The following NOP14 variants were observed in gnomAD, a reference collection of about 807,000 sequenced individuals.
NOP14 encodes NOP14 nucleolar protein.
A neutral mutation model predicts 101.6 loss-of-function variants in NOP14; 57 were observed. The observed-to-expected ratio is 0.56, with a 90% confidence interval of 0.45 to 0.70. The LOEUF (loss-of-function observed/expected upper bound fraction) is 0.70, where lower values mean the gene tolerates loss of function less well. NOP14 is among the 30% of genes least tolerant of loss of function. The probability of loss-of-function intolerance (pLI) is 0.00; values close to 1 mark genes in which losing one functional copy is unlikely to be tolerated. For synonymous variants in NOP14, 428 were observed against 424.0 expected (o/e 1.01, Z -0.12); for missense variants, 1,134 against 1,075.5 (o/e 1.05, Z -0.76).
intron 6 of NOP14, among the ~76,000 whole-genome samples, 155 bp downstream of exon 6, chr4:2,952,120 A>G (rs1273053402): frequency 2.0e-5 from 3 of 151,952 alleles, no homozygotes; most frequent in Admixed American, 1.3e-4. Flanking sequence ...AAAAAAAAAA[A>G]AAAAGGTATT....
intron 7 of NOP14, 50 bp downstream of exon 7, chr4:2,951,064 T>C: frequency 6.6e-7 from 1 of 1,523,468 alleles, no homozygotes; most frequent in South Asian, 1.2e-5. Flanking sequence ...AAAAAATGTT[T>C]TTAAATTAAA....
rs373122018 is a variant in NOP14, at chr4:2,961,105, T to C, written c.195+2020A>G. 1.5e-4 allele frequency among the ~76,000 whole-genome samples: 6 copies of C among 39,032 alleles called. 1 individual carries two copies. Among genetic ancestry groups the C allele is most frequent in the South Asian group, 4.1e-4 (1 of 2,418 alleles). 25.6% of individuals were successfully genotyped at this position (39,032 alleles called of 152,430 possible). ...TAATATTATAATAATATATTAATAT[T>C]TTAATAATATATTAATATTATAATA... On this transcript the variant is annotated intron_variant, in intron 1 of 17. Transcript: ENST00000416614.
At chr4:2,944,560 C>G (rs1021172827) in intron 12 of NOP14, among the ~76,000 whole-genome samples, 1 of 152,192 alleles carries the variant, frequency 6.6e-6, no homozygotes, top group Non-Finnish European at 1.5e-5. Flanking sequence ...GCATGTGGCA[C>G]CACACCCAGC....
In NOP14 at chr4:2,952,109, GAA is replaced by G. The variant is rs34128991; in HGVS notation, c.870+164_870+165del. Among the ~76,000 whole-genome samples, 514 of 111,188 alleles carry G rather than the reference GAA, an allele frequency of 4.6e-3. 5 individuals carry two copies. Among genetic ancestry groups the G allele is most frequent in the African/African-American group, 0.012 (365 of 30,070 alleles). The allele number at this position is 111,188 out of a possible 152,430, so 72.9% of individuals were successfully genotyped here. On this transcript the variant is annotated intron_variant, in intron 6 of 17. Coordinates refer to ENST00000416614, the MANE Select transcript of NOP14 (RefSeq NM_001291978.2). Reference sequence around the variant, plus strand: ...TGACAGAGCGAAACTCTGTCTCAAAGAAAAAAAAAAAAAAAGGTATTCATGAA... The same window carrying G: ...TGACAGAGCGAAACTCTGTCTCAAAGAAAAAAAAAAAAAGGTATTCATGAA...
At chr4:2,948,463 ATTTATT>A (rs1714807196) in intron 8 of NOP14, 55 bp from the exon 9 acceptor site, 1 of 1,372,900 alleles carries the variant, frequency 7.3e-7, no homozygotes, top group Non-Finnish European at 9.7e-7. Context: ...ATGTATATAT[ATTTATT>A]TTTGAGATGG....
At chr4:2,954,021 C>T (rs997478476) in intron 4 of NOP14, among the ~76,000 whole-genome samples, 3 of 152,236 alleles carry the variant, frequency 2.0e-5, no homozygotes, top group Middle Eastern at 3.4e-3. Flanking sequence ...TGAGCCTGGT[C>T]GACACAGCAC....
In NOP14 at chr4:2,954,565, T is replaced by TG; in HGVS notation, c.473-3dup. On this transcript the variant is annotated splice_polypyrimidine_tract_variant and splice_region_variant and intron_variant, in intron 3 of 17. Transcript: ENST00000416614. ...CAAAGTGGGCAGCAGTCAGCTCAGCTGGGGGCAAAAGGCAGAAAACCCCAC... is the reference window on the plus strand; with the variant it reads ...CAAAGTGGGCAGCAGTCAGCTCAGCTGGGGGGCAAAAGGCAGAAAACCCCAC... 1 of 1,613,718 alleles carries TG rather than the reference T, an allele frequency of 6.2e-7. No individual in the cohort carries two copies.
At chr4:2,941,964 AT>A in intron 14 of NOP14, 1 of 636,028 alleles carries the variant, frequency 1.6e-6, no homozygotes, top group Non-Finnish European at 2.7e-6. Flanking sequence ...GGGCGGCTCC[AT>A]TTTTGGTTCC....
intron 14 of NOP14, 102 bp from the exon 15 acceptor site, chr4:2,941,831 A>C (rs1427142831): frequency 7.3e-6 from 10 of 1,362,744 alleles, no homozygotes; most frequent in Middle Eastern, 2.0e-4. Flanking sequence ...ACTAGGCTGA[A>C]AACTCCAGTG....
chr4:2,950,251 G>A (rs746824439), intron 7 of NOP14, 38 bp from the exon 8 acceptor site: 47 of 1,606,092 alleles, frequency 2.9e-5, no homozygotes, highest in Non-Finnish European at 3.9e-5. Context: ...ATGAGGACAG[G>A]CGGAGACAAC....
In NOP14 at chr4:2,947,535, T is replaced by C; in HGVS notation, c.1490A>G (p.Lys497Arg). ...DDPPDLTVID[K>R]LVVHLYHLCQ... ...CACCATTTTTACTTACACAACCAAC[T>C]TATCAATGACTGTGAGGTCTGGTGG... The change falls in exon 10 of 18, where the codon AAG becomes AGG. Residue 497 changes from lysine to arginine, a missense_variant. By Grantham distance (26) the Lys-to-Arg change is conservative. Transcript: ENST00000416614. 1.2e-6 allele frequency: 2 copies of C among 1,612,518 alleles called. No homozygotes were observed. Among genetic ancestry groups the C allele is most frequent in the South Asian group, 2.2e-5 (2 of 91,038 alleles).
chr4:2,944,933 C>G (rs1314175477), intron 12 of NOP14, among the ~76,000 whole-genome samples, 195 bp downstream of exon 12: 1 of 152,242 alleles, frequency 6.6e-6, no homozygotes, highest in Admixed American at 6.5e-5. Context: ...AAACCAGGCC[C>G]TCCCACTCCC....
intron 6 of NOP14, 24 bp downstream of exon 6, chr4:2,952,251 G>A: frequency 6.2e-7 from 1 of 1,611,330 alleles, no homozygotes. Context: ...GCACAGCCCT[G>A]CTCCTGAGGT....
intron 1 of NOP14, among the ~76,000 whole-genome samples, chr4:2,960,159 A>G (rs367588520): frequency 3.3e-5 from 5 of 152,060 alleles, no homozygotes; most frequent in African/African-American, 1.2e-4. Flanking sequence ...TTTAGTAGAG[A>G]TGGGGTTTCA....
At chr4:2,945,268 T>G in intron 11 of NOP14, 39 bp from the exon 12 acceptor site, 1 of 1,478,536 alleles carries the variant, frequency 6.8e-7, no homozygotes, top group Non-Finnish European at 9.2e-7. Flanking sequence ...AGAAGGTAAA[T>G]GAAGTCCATC....
chr4:2,950,941 C>T, intron 7 of NOP14, 173 bp downstream of exon 7: 1 of 589,200 alleles, frequency 1.7e-6, no homozygotes, highest in Non-Finnish European at 3.0e-6. Flanking sequence ...AAAGTCTTCT[C>T]TCTAAAGTTT....
chr4:2,943,960 TTG>T (rs1714418088), intron 13 of NOP14, 111 bp downstream of exon 13: 1 of 824,518 alleles, frequency 1.2e-6, no homozygotes, highest in South Asian at 1.8e-5. Context: ...GGGTGGCAGG[TTG>T]TGTGTTTCCT....
chr4:2,943,827 G>C (rs1577825440), intron 13 of NOP14, among the ~76,000 whole-genome samples: 1 of 152,216 alleles, frequency 6.6e-6, no homozygotes, highest in East Asian at 1.9e-4. Context: ...GTCACAGGTA[G>C]GGTACGTCTC....
intron 15 of NOP14, 51 bp from the exon 16 acceptor site, chr4:2,939,696 C>G: frequency 5.9e-6 from 8 of 1,355,544 alleles, no homozygotes; most frequent in Non-Finnish European, 8.5e-6. Context: ...GCTGCGTGCC[C>G]TGAGCTCCAC....
Sources: allele counts gnomAD v4.1 joint callset (sites outside exome capture counted in the v4.1 genomes callset), GRCh38; gene constraint gnomAD v4.1.1; transcripts MANE v1.5; gene names NCBI Gene and HGNC (gene_info 2026-07-23, HGNC 2026-07-21).